The following DOCK8 variants were observed in gnomAD, a reference collection of about 807,000 sequenced individuals.
DOCK8 encodes the protein dedicator of cytokinesis 8.
In DOCK8, 141 loss-of-function variants were observed where a neutral mutation model predicts 245.6. That is an observed-to-expected ratio of 0.57 (90% confidence interval 0.50 to 0.66). The LOEUF (loss-of-function observed/expected upper bound fraction) is 0.66, where lower values mean the gene tolerates loss of function less well. DOCK8 is among the 30% of genes least tolerant of loss of function. The pLI is 0.00. For synonymous variants in DOCK8, 1,168 were observed against 970.2 expected (o/e 1.20, Z -3.79); for missense variants, 2,965 against 2,603.4 (o/e 1.14, Z -3.02).
At chr9:215,153 GACCTGGGGCGCCCGGTT>G (rs1401358446) in intron 1 of DOCK8, 124 bp downstream of exon 1, 24 of 1,490,288 alleles carry the variant, frequency 1.6e-5, no homozygotes, top group Non-Finnish European at 2.0e-5. Flanking sequence ...GCGCGCCTGA[GACCTGGGGCGCCCGGTT>G]CCCGAGGCTG....
chr9:212,374 T>C (rs2131299668), upstream of DOCK8, among the ~76,000 whole-genome samples: 1 of 151,962 alleles, frequency 6.6e-6, no homozygotes, highest in African/African-American at 2.4e-5. Flanking sequence ...AAAAACAAAA[T>C]TGAATGACAC....
rs2054489984 is a variant in DOCK8, at chr9:396,939, C to T, written c.3120+5C>T. On this transcript the variant is annotated splice_donor_5th_base_variant and intron_variant, in intron 25 of 47. Coordinates refer to ENST00000432829, the MANE Select transcript of DOCK8 (RefSeq NM_203447.4). Reference sequence around the variant, plus strand: ...CTTTTAGTAAAACCACAGAAGGTAACTGTATTTTACTCTTTATTTTCTAAA... The same window carrying T: ...CTTTTAGTAAAACCACAGAAGGTAATTGTATTTTACTCTTTATTTTCTAAA... The T allele has an allele frequency of 6.2e-7, 1 of 1,613,252 alleles. No individual in the cohort carries two copies.
intron 27 of DOCK8, 93 bp from the exon 28 acceptor site, chr9:406,837 G>C: frequency 6.4e-7 from 1 of 1,568,212 alleles, no homozygotes; most frequent in South Asian, 1.1e-5. Flanking sequence ...GGCTCACGAA[G>C]CCTGGCTGGG....
chr9:215,090 G>T (rs1183719221), intron 1 of DOCK8, 61 bp downstream of exon 1: 5 of 1,520,780 alleles, frequency 3.3e-6, no homozygotes, highest in Non-Finnish European at 4.4e-6. Context: ...GTGTGAAGCG[G>T]AGCTTCGCTG....
chr9:328,973 G>A (rs2050886985), intron 9 of DOCK8, among the ~76,000 whole-genome samples: 1 of 129,142 alleles, frequency 7.7e-6, no homozygotes, highest in South Asian at 2.5e-4. Context: ...TTTTTGAGAG[G>A]AGTTTTGCTC....
Position 400,879 on chromosome 9 carries a change from C to A in DOCK8, c.3234+1620C>A, listed in dbSNP as rs1403574390. Among the ~76,000 whole-genome samples, 109 of 109,110 alleles carry A rather than the reference C, an allele frequency of 1.0e-3. 1 individual carries two copies. Among genetic ancestry groups the A allele is most frequent in the Non-Finnish European group, 1.2e-3 (68 of 55,392 alleles). The allele number at this position is 109,110 out of a possible 152,430, so 71.6% of individuals were successfully genotyped here. ...CCACCTCCTCCACCATCACCACCAC[C>A]TCCACCACCACCACCTCCCCCACTA... On this transcript the variant is annotated intron_variant, in intron 26 of 47. Coordinates refer to ENST00000432829, the MANE Select transcript of DOCK8 (RefSeq NM_203447.4).
In DOCK8 at chr9:414,795, C is replaced by G. The variant is rs575829301; in HGVS notation, c.3544C>G (p.Gln1182Glu). 2 of 1,614,170 alleles carry G rather than the reference C, an allele frequency of 1.2e-6. No homozygotes were observed. Among genetic ancestry groups the G allele is most frequent in the African/African-American group, 1.3e-5 (1 of 75,034 alleles). The change falls in exon 29 of 48, where the codon CAA (glutamine) becomes GAA (glutamate). Residue 1182 changes from glutamine (Q) to glutamate (E), a missense_variant. Around this residue, in one of 3 missense-constraint regions of DOCK8, gnomAD observed 2,825 missense variants for 2,453.5 expected, o/e 1.15. Coordinates refer to ENST00000432829, the MANE Select transcript of DOCK8 (RefSeq NM_203447.4). ...TTGTGCCAACAGAATCAGCAAAGTA[C>G]AAAGGAAAGCTGTCAGTGCAATTCA... ...DAEGEGISKV[Q>E]RKAVSAIHSL...
At chr9:322,850 T>C (rs2050580105) in intron 7 of DOCK8, among the ~76,000 whole-genome samples, 1 of 152,188 alleles carries the variant, frequency 6.6e-6, no homozygotes, top group East Asian at 1.9e-4. Flanking sequence ...CCCAGTACTT[T>C]GGGAGGCTGA....
intron 37 of DOCK8, 44 bp downstream of exon 37, chr9:432,368 C>T: frequency 6.3e-7 from 1 of 1,589,584 alleles, no homozygotes; most frequent in Non-Finnish European, 8.6e-7. Context: ...AGTTTGGGAT[C>T]TGCCAACTAT....
intron 14 of DOCK8, among the ~76,000 whole-genome samples, chr9:347,547 C>T (rs555360517): frequency 2.6e-5 from 4 of 152,232 alleles, no homozygotes; most frequent in East Asian, 1.9e-4. Context: ...TCAGATGATG[C>T]GGAAGCCCAG....
Position 336,568 on chromosome 9 carries a change from T to G in DOCK8, c.1286-14T>G. 1.2e-6 allele frequency: 2 copies of G among 1,614,172 alleles called. No homozygotes were observed. The highest frequency in any genetic ancestry group is 1.7e-6 in the Non-Finnish European group (2 of 1,180,026). On this transcript the variant is annotated splice_polypyrimidine_tract_variant and intron_variant, in intron 11 of 47. Transcript: ENST00000432829. ...GAAAGGCATACTTTGGAGTGACAAT[T>G]GTTTTTCTTAAAGGGAGAAGCTCAG...
chr9:253,137 A>G (rs765975676), intron 1 of DOCK8, among the ~76,000 whole-genome samples: 5 of 152,112 alleles, frequency 3.3e-5, no homozygotes, highest in Admixed American at 6.5e-5. Context: ...TTAGCTTCCT[A>G]TGCATCTACA....
rs543677634 is a variant in DOCK8, at chr9:405,583, C to A, written c.3390+510C>A. On this transcript the variant is annotated intron_variant, in intron 27 of 47. Coordinates refer to ENST00000432829, the MANE Select transcript of DOCK8 (RefSeq NM_203447.4). ...CAAATGATTTAACATGGAAACCCCA[C>A]CCCACCTCATACATTTTTTGAAATG... Among the ~76,000 whole-genome samples, 10 of 152,258 alleles carry A rather than the reference C, an allele frequency of 6.6e-5. No individual in the cohort carries two copies. In the South Asian group the frequency reaches 2.1e-3, roughly 32 times the overall value.
At chr9:297,487 A>C (rs1269496702) in intron 4 of DOCK8, among the ~76,000 whole-genome samples, 2 of 152,212 alleles carry the variant, frequency 1.3e-5, no homozygotes, top group Non-Finnish European at 2.9e-5. Context: ...AGTTCATTTC[A>C]TGAGAATCAT....
intron 6 of DOCK8, 51 bp downstream of exon 6, chr9:312,217 T>A (rs1221785972): frequency 1.3e-6 from 2 of 1,590,652 alleles, no homozygotes; most frequent in Non-Finnish European, 1.7e-6. Context: ...ACTCTGAGAG[T>A]CATGTGGACA....
intron 14 of DOCK8, among the ~76,000 whole-genome samples, chr9:351,910 C>G (rs1028212816): frequency 2.6e-5 from 4 of 152,146 alleles, no homozygotes; most frequent in African/African-American, 9.7e-5. Context: ...CAGCAAGAAC[C>G]CTGTGAGAAT....
chr9:285,193 C>G (rs2048766202), intron 2 of DOCK8, among the ~76,000 whole-genome samples: 1 of 152,126 alleles, frequency 6.6e-6, no homozygotes. Context: ...CCTCCATCAT[C>G]AGGGACAGCA....
At position 292,861 on chromosome 9, in the gene DOCK8, G is replaced by GTTA. The variant is rs2049102324; in HGVS notation, c.404+3280_404+3281insTTA. On this transcript the variant is annotated intron_variant, in intron 4 of 47. Transcript: ENST00000432829. ...TTATTATTATTTTCTAAGAGTATGG[G>GTTA]ATTAAAGCATTAATCCAGATCATTA... Among the ~76,000 whole-genome samples, 3 of 152,124 alleles carry GTTA rather than the reference G, an allele frequency of 2.0e-5. No individual in the cohort carries two copies. The South Asian group carries it at 6.2e-4, about 32-fold the overall frequency.
rs199714207 is a variant in DOCK8 at position 328,102 on chromosome 9, A to G, written c.975A>G (p.Ala325=). The change falls in exon 9 of 48, where the codon GCA becomes GCG. Residue 325 remains alanine, a synonymous_variant. Transcript: ENST00000432829. ...FLRAHTPSVA[A]SSQARSAVFS... is the part of the protein sequence containing the mutation. ...GAGCTCACACGCCTTCAGTGGCCGC[A>G]TCAAGTCAGGCGAGATCTGCAGTCT... The G allele has an allele frequency of 1.9e-6, 3 of 1,614,098 alleles. No individual in the cohort carries two copies. Among genetic ancestry groups the G allele is most frequent in the Non-Finnish European group, 2.5e-6 (3 of 1,180,038 alleles).
Sources: allele counts gnomAD v4.1 joint callset (sites outside exome capture counted in the v4.1 genomes callset), GRCh38; gene constraint gnomAD v4.1.1; regional missense constraint gnomAD v4.1.1; transcripts MANE v1.5; gene names NCBI Gene and HGNC (gene_info 2026-07-23, HGNC 2026-07-21).